C8orf34: variants seen among roughly 807,000 people sequenced by gnomAD.
C8orf34 encodes the protein uncharacterized protein C8orf34.
In C8orf34, 65 loss-of-function variants were observed where a neutral mutation model predicts 68.3. The observed-to-expected ratio is 0.95, with a 90% CI of 0.78 to 1.17. C8orf34 has a LOEUF of 1.17. Ranked by LOEUF, C8orf34 falls within the 50% of genes most tolerant of loss-of-function variation. The probability of loss-of-function intolerance (pLI) is 0.00; values close to 1 mark genes in which losing one functional copy is unlikely to be tolerated. For synonymous variants in C8orf34, 244 were observed against 241.2 expected, an observed-to-expected ratio of 1.01 and a Z score of -0.11; for missense variants, 664 against 655.4, an observed-to-expected ratio of 1.01 and a Z score of -0.14.
intron 8 of C8orf34, among the ~76,000 whole-genome samples, chr8:68,706,346 A>G (rs1821165061): frequency 6.6e-6 from 1 of 152,166 alleles, no homozygotes; most frequent in African/African-American, 2.4e-5. Flanking sequence ...AGGAGAAAGA[A>G]GAGGGAAATG....
At chr8:68,426,518 C>CAAAAAAAAAAAAAAAAAAAAAAAA (rs753578060) in intron 1 of C8orf34, among the ~76,000 whole-genome samples, 5 of 29,626 alleles carry the variant, frequency 1.7e-4, no homozygotes, top group Non-Finnish European at 3.7e-4. Flanking sequence ...GACCTTGTCT[C>CAAAAAAAAAAAAAAAAAAAAAAAA]AAAAAAAAAA....
chr8:68,747,972 C>G (rs944684821), intron 10 of C8orf34, among the ~76,000 whole-genome samples: 5 of 151,914 alleles, frequency 3.3e-5, no homozygotes, highest in African/African-American at 1.2e-4. Flanking sequence ...ATCACACTAC[C>G]TGACTTCAAA....
At chr8:68,511,470 C>T (rs944434255) in intron 5 of C8orf34, among the ~76,000 whole-genome samples, 6 of 152,034 alleles carry the variant, frequency 3.9e-5, no homozygotes, top group Admixed American at 1.3e-4. Flanking sequence ...ACAGGTGACT[C>T]AGGATGAGTC....
intron 3 of C8orf34, among the ~76,000 whole-genome samples, chr8:68,454,808 C>G (rs1811482014): frequency 6.6e-6 from 1 of 151,892 alleles, no homozygotes; most frequent in African/African-American, 2.4e-5. Flanking sequence ...TTACGCTCTT[C>G]TTTTTCTACT....
At chr8:68,675,209 A>G (rs985749444) in intron 8 of C8orf34, among the ~76,000 whole-genome samples, 1 of 152,184 alleles carries the variant, frequency 6.6e-6, no homozygotes, top group African/African-American at 2.4e-5. Context: ...AAACAAACAA[A>G]CAAAAAATCT....
At chr8:68,614,060 A>T (rs536632750) in intron 7 of C8orf34, among the ~76,000 whole-genome samples, 1 of 152,150 alleles carries the variant, frequency 6.6e-6, no homozygotes, top group African/African-American at 2.4e-5. Context: ...GCATTTTTTC[A>T]TGTGTTTTTT....
chr8:68,619,033 T>C (rs1241309678), intron 7 of C8orf34, among the ~76,000 whole-genome samples: 1 of 152,052 alleles, frequency 6.6e-6, no homozygotes, highest in Non-Finnish European at 1.5e-5. Flanking sequence ...AGCTGAACTT[T>C]AAAGGAGAGG....
At chr8:68,685,609 A>C (rs1237473163) in intron 8 of C8orf34, among the ~76,000 whole-genome samples, 2 of 152,058 alleles carry the variant, frequency 1.3e-5, no homozygotes, top group Non-Finnish European at 2.9e-5. Flanking sequence ...TAATTTCAGC[A>C]CTTTGGGAGG....
At chr8:68,340,744 A>G (rs564608928) in intron 1 of C8orf34, among the ~76,000 whole-genome samples, 1 of 152,346 alleles carries the variant, frequency 6.6e-6, no homozygotes, top group Non-Finnish European at 1.5e-5. Context: ...AATCAATACT[A>G]ATTCTATACA....
At chr8:68,545,154 G>A (rs1815832382) in intron 7 of C8orf34, among the ~76,000 whole-genome samples, 1 of 152,104 alleles carries the variant, frequency 6.6e-6, no homozygotes, top group African/African-American at 2.4e-5. Context: ...GAGGGACCCA[G>A]TGGGAGATAA....
chr8:68,390,754 A>G (rs1808447955), intron 1 of C8orf34, among the ~76,000 whole-genome samples: 1 of 152,126 alleles, frequency 6.6e-6, no homozygotes, highest in African/African-American at 2.4e-5. Flanking sequence ...CACAGTCTGT[A>G]TCAGTCAGGG....
chr8:68,480,248 G>C (rs1812801954), intron 4 of C8orf34, among the ~76,000 whole-genome samples: 1 of 152,070 alleles, frequency 6.6e-6, no homozygotes, highest in Non-Finnish European at 1.5e-5. Flanking sequence ...TTTATCAGGG[G>C]GTTCTGCTTT....
rs567456180 is a variant in C8orf34 at position 68,797,422 on chromosome 8, T to C, written c.1549+9886T>C. ...CCCATGCTTCACTCATGACTTCCCC[T>C]CTCATTACTAGGAGTGACACAGTTG... is the stretch of plus-strand genomic sequence containing the variant. On this transcript the variant is annotated intron_variant, in intron 12 of 13. Coordinates refer to ENST00000518698, the MANE Select transcript of C8orf34 (RefSeq NM_052958.4). Among the ~76,000 whole-genome samples the C allele has an allele frequency of 2.0e-5, 3 of 152,142 alleles. No homozygotes were observed. In the South Asian group the frequency reaches 6.2e-4, roughly 32 times the overall value.
chr8:68,353,141 G>A (rs118133362), intron 1 of C8orf34, among the ~76,000 whole-genome samples: 276 of 152,180 alleles, frequency 1.8e-3, no homozygotes, highest in Admixed American at 3.5e-3. Context: ...GAGCCTGGGA[G>A]TTTGACACTG....
chr8:68,696,343 A>T (rs1820834422), intron 8 of C8orf34, among the ~76,000 whole-genome samples: 1 of 148,356 alleles, frequency 6.7e-6, no homozygotes, highest in Admixed American at 6.8e-5. Flanking sequence ...AGATTATATT[A>T]TATATTGATT....
intron 7 of C8orf34, among the ~76,000 whole-genome samples, chr8:68,588,223 T>C (rs1184239530): frequency 2.0e-5 from 3 of 152,234 alleles, no homozygotes; most frequent in East Asian, 3.9e-4. Context: ...GTAAGTATTA[T>C]TGTTTTTCTT....
chr8:68,533,199 A>C, intron 7 of C8orf34, 50 bp downstream of exon 7: 2 of 1,540,316 alleles, frequency 1.3e-6, no homozygotes, highest in Non-Finnish European at 8.7e-7. Flanking sequence ...ACATTGTAAA[A>C]AAAACGTGTG....
At chr8:68,412,096 C>T (rs543645594) in intron 1 of C8orf34, among the ~76,000 whole-genome samples, 6 of 152,240 alleles carry the variant, frequency 3.9e-5, no homozygotes, top group East Asian at 1.9e-4. Flanking sequence ...AACTTGCTGG[C>T]GCCTTGATCT....
intron 1 of C8orf34, among the ~76,000 whole-genome samples, chr8:68,397,911 GGT>G (rs1477059401): frequency 6.6e-6 from 1 of 151,998 alleles, no homozygotes; most frequent in African/African-American, 2.4e-5. Flanking sequence ...TGGGATTACA[GGT>G]GTGCACCAAC....
Sources: gnomAD v4.1 joint callset for allele counts (sites outside exome capture counted in the v4.1 genomes callset) on GRCh38, gnomAD v4.1.1 for gene constraint, MANE v1.5 for transcripts, NCBI Gene and HGNC (gene_info 2026-07-23, HGNC 2026-07-21) for gene names.